Variants in NMBR observed in about 807,000 individuals in gnomAD.
The protein encoded by NMBR is neuromedin-B receptor.
A neutral mutation model predicts 20.5 loss-of-function variants in NMBR; 16 were observed. That is an observed-to-expected ratio of 0.78 (90% CI 0.53 to 1.19). The LOEUF (loss-of-function observed/expected upper bound fraction) is 1.19, where lower values mean the gene tolerates loss of function less well. Among genes scored for constraint, NMBR ranks in the 50% most tolerant of loss-of-function variants. The probability of loss-of-function intolerance (pLI) is 0.00; values close to 1 mark genes in which losing one functional copy is unlikely to be tolerated. For missense variants in NMBR, 582 were observed against 499.1 expected, an observed-to-expected ratio of 1.17 and a Z score of -1.58; for synonymous variants, 212 against 196.6, an observed-to-expected ratio of 1.08 and a Z score of -0.65.
intron 2 of NMBR, among the ~76,000 whole-genome samples, chr6:142,080,311 CTTT>C (rs767477652): frequency 2.6e-5 from 3 of 116,160 alleles, no homozygotes; most frequent in Non-Finnish European, 3.4e-5. Context: ...TGCCCTATAT[CTTT>C]TTTTTTTTTT....
chr6:142,078,495 C>T (rs1401162441), intron 3 of NMBR, 60 bp downstream of exon 3: 7 of 950,070 alleles, frequency 7.4e-6, no homozygotes, highest in African/African-American at 4.9e-5. Flanking sequence ...CAAAATAAAA[C>T]AATAAATAGC....
rs181249790 is a variant in NMBR, at chr6:142,088,803, G to T, written c.-145C>A. 683 of 696,290 alleles carry T rather than the reference G, an allele frequency of 9.8e-4. 3 individuals are homozygous for T. The African/African-American group carries it at 0.011, about 11-fold the overall frequency. 43.1% of individuals were successfully genotyped at this position (696,290 alleles called of 1,614,324 possible). A position where few individuals can be genotyped will look rare whatever the true frequency, so the allele number is the denominator to read the frequency against. ...CGCGGGGCAAGCCTCACAGCACCAC[G>T]TCCCTAAGAGTTCAGGACCTGGGGA... On this transcript the variant is annotated 5_prime_UTR_variant, in exon 2 of 4. Transcript: ENST00000258042.
intron 1 of NMBR, among the ~76,000 whole-genome samples, chr6:142,139,668 T>G (rs770655157): frequency 1.3e-5 from 2 of 152,160 alleles, no homozygotes; most frequent in South Asian, 2.1e-4. Flanking sequence ...CACTACATAT[T>G]GTTATGTTTA....
chr6:142,109,476 CTTT>C (rs77684305), intron 1 of NMBR, among the ~76,000 whole-genome samples: 10 of 108,306 alleles, frequency 9.2e-5, no homozygotes, highest in Middle Eastern at 6.5e-3. Context: ...TTGGGTATGT[CTTT>C]TTTTTTTTTT....
At chr6:142,121,703 T>TAA (rs376484272) in intron 1 of NMBR, among the ~76,000 whole-genome samples, 4 of 151,642 alleles carry the variant, frequency 2.6e-5, no homozygotes, top group Non-Finnish European at 5.9e-5. Flanking sequence ...TCCTTAGCCT[T>TAA]AAAAAAATAC....
chr6:142,146,561 A>G (rs1381235324), intron 1 of NMBR, among the ~76,000 whole-genome samples: 3 of 152,172 alleles, frequency 2.0e-5, no homozygotes, highest in Admixed American at 6.5e-5. Context: ...TTACATTAAG[A>G]CAAGATAATA....
intron 1 of NMBR, among the ~76,000 whole-genome samples, chr6:142,129,734 T>A (rs993724847): frequency 1.6e-4 from 24 of 152,146 alleles, no homozygotes; most frequent in African/African-American, 4.8e-4. Flanking sequence ...AATTTGTTAA[T>A]ATATAGTAGT....
chr6:142,124,388 G>A (rs1003385617), intron 1 of NMBR, among the ~76,000 whole-genome samples: 2 of 151,826 alleles, frequency 1.3e-5, no homozygotes, highest in African/African-American at 4.8e-5. Flanking sequence ...AGAAACCCAT[G>A]TGTATCAGGC....
intron 2 of NMBR, among the ~76,000 whole-genome samples, chr6:142,084,982 T>C (rs898895234): frequency 1.3e-5 from 2 of 152,248 alleles, no homozygotes; most frequent in African/African-American, 2.4e-5. Context: ...AACTACTTTA[T>C]GTAAGCAAGC....
intron 1 of NMBR, among the ~76,000 whole-genome samples, chr6:142,127,785 G>A (rs1204404539): frequency 1.3e-5 from 2 of 151,524 alleles, no homozygotes; most frequent in Admixed American, 1.3e-4. Context: ...TTTTCAGGTA[G>A]CTCATTTTTT....
intron 2 of NMBR, among the ~76,000 whole-genome samples, chr6:142,079,954 A>G (rs1291018690): frequency 1.3e-5 from 2 of 152,230 alleles, no homozygotes; most frequent in East Asian, 3.8e-4. Context: ...TGATGATGCA[A>G]ACAATTCAAA....
At chr6:142,118,606 G>A (rs1339789327) in intron 1 of NMBR, among the ~76,000 whole-genome samples, 1 of 151,906 alleles carries the variant, frequency 6.6e-6, no homozygotes, top group Non-Finnish European at 1.5e-5. Flanking sequence ...TTACTCAGCA[G>A]GCATGAAATG....
In NMBR at chr6:142,095,034, C is replaced by T. The variant is rs532994720; in HGVS notation, c.-663-5713G>A. 1.4e-4 allele frequency among the ~76,000 whole-genome samples: 22 copies of T among 152,128 alleles called. No homozygotes were observed. The East Asian group carries it at 1.7e-3, about 12-fold the overall frequency. ...TGAGAATTTGCTGGAGTTGCCTATCCGCTTAAGGAGATTTTGGGCTGAGAC... is the reference window on the plus strand; with the variant it reads ...TGAGAATTTGCTGGAGTTGCCTATCTGCTTAAGGAGATTTTGGGCTGAGAC... On this transcript the variant is annotated intron_variant, in intron 1 of 3. Transcript: ENST00000258042.
intron 1 of NMBR, among the ~76,000 whole-genome samples, chr6:142,144,045 T>C (rs555599509): frequency 6.6e-6 from 1 of 152,360 alleles, no homozygotes; most frequent in African/African-American, 2.4e-5. Context: ...AATATCCGTG[T>C]TTAAAACATA....
intron 1 of NMBR, among the ~76,000 whole-genome samples, chr6:142,089,920 C>T (rs1777290275): frequency 6.6e-6 from 1 of 152,238 alleles, no homozygotes; most frequent in East Asian, 1.9e-4. Context: ...TGAGTATGTT[C>T]AGCTTTACTG....
chr6:142,121,789 A>G (rs1777947211), intron 1 of NMBR, among the ~76,000 whole-genome samples: 1 of 151,806 alleles, frequency 6.6e-6, no homozygotes, highest in Admixed American at 6.6e-5. Context: ...CATTTACCTA[A>G]CTATATACTT....
intron 1 of NMBR, among the ~76,000 whole-genome samples, chr6:142,100,781 C>T (rs186827294): frequency 1.3e-5 from 2 of 152,232 alleles, no homozygotes; most frequent in East Asian, 3.9e-4. Context: ...TAATGGGAGA[C>T]TATGTACGTG....
chr6:142,101,435 T>C (rs1271908928), intron 1 of NMBR, among the ~76,000 whole-genome samples: 2 of 152,156 alleles, frequency 1.3e-5, no homozygotes, highest in East Asian at 1.9e-4. Context: ...ATGTACTTAT[T>C]TGGTCTCAAA....
At chr6:142,109,355 GAAGT>G (rs1777718329) in intron 1 of NMBR, among the ~76,000 whole-genome samples, 2 of 151,912 alleles carry the variant, frequency 1.3e-5, no homozygotes, top group Admixed American at 6.6e-5. Context: ...TATAAGGTCA[GAAGT>G]AAGAAAAAGA....
Sources: allele counts gnomAD v4.1 joint callset (sites outside exome capture counted in the v4.1 genomes callset), GRCh38; gene constraint gnomAD v4.1.1; transcripts MANE v1.5; gene names NCBI Gene and HGNC (gene_info 2026-07-23, HGNC 2026-07-21).